FSTL5: variants seen among roughly 807,000 people sequenced by gnomAD.
The protein encoded by FSTL5 is follistatin like 5.
A neutral mutation model predicts 89.1 loss-of-function variants in FSTL5; 62 were observed. That is an observed-to-expected ratio of 0.70 (90% CI 0.57 to 0.86). The LOEUF is 0.86. Ranked by LOEUF, FSTL5 falls within the 40% of genes least tolerant of loss-of-function variation. FSTL5 has a pLI of 0.00. For synonymous variants in FSTL5, 383 were observed against 346.2 expected (o/e 1.11, Z -1.18); for missense variants, 1,057 against 1,001.6 (o/e 1.06, Z -0.75).
rs191706711 is a variant in FSTL5, at chr4:161,729,266, T to A, written c.727+30145A>T. 2.1e-3 allele frequency among the ~76,000 whole-genome samples: 314 copies of A among 152,336 alleles called. 2 individuals are homozygous for A. Among genetic ancestry groups the A allele is most frequent in the African/African-American group, 7.2e-3 (301 of 41,568 alleles). ...TTACGTTTAAGAAAGTTTTAGAGCA[T>A]AATCTAGCCCACAACCTTCATTATT... is the stretch of plus-strand genomic sequence containing the variant. On this transcript the variant is annotated intron_variant, in intron 6 of 15. Transcript: ENST00000306100.
chr4:161,858,355 C>T (rs560456338), intron 4 of FSTL5, among the ~76,000 whole-genome samples: 14 of 152,124 alleles, frequency 9.2e-5, no homozygotes, highest in Admixed American at 2.0e-4. Context: ...ATTAAGACAT[C>T]CACCTTGAAG....
intron 7 of FSTL5, among the ~76,000 whole-genome samples, chr4:161,630,716 C>G (rs879427559): frequency 2.6e-5 from 4 of 152,106 alleles, no homozygotes; most frequent in Admixed American, 6.6e-5. Flanking sequence ...TCAACATATG[C>G]GTAAGAAAAC....
At chr4:161,650,041 G>C (rs908186122) in intron 7 of FSTL5, among the ~76,000 whole-genome samples, 46 of 152,264 alleles carry the variant, frequency 3.0e-4, no homozygotes, top group African/African-American at 1.0e-3. Flanking sequence ...GCTGTATATA[G>C]TATGTTTTAT....
At chr4:161,890,045 T>G (rs1198927786) in intron 4 of FSTL5, among the ~76,000 whole-genome samples, 2 of 152,364 alleles carry the variant, frequency 1.3e-5, no homozygotes, top group African/African-American at 2.4e-5. Flanking sequence ...ATCTGTCTGA[T>G]ATGGTTCTGA....
intron 7 of FSTL5, among the ~76,000 whole-genome samples, chr4:161,635,570 C>G (rs1735659633): frequency 6.6e-6 from 1 of 151,500 alleles, no homozygotes; most frequent in Admixed American, 6.6e-5. Flanking sequence ...TTATACATAT[C>G]TGTTGACTCT....
intron 8 of FSTL5, among the ~76,000 whole-genome samples, chr4:161,563,583 A>G (rs1732683627): frequency 1.3e-5 from 2 of 151,780 alleles, no homozygotes; most frequent in African/African-American, 4.8e-5. Flanking sequence ...GCTTTTGTCA[A>G]TCTTACTGCT....
intron 6 of FSTL5, among the ~76,000 whole-genome samples, chr4:161,739,219 A>T (rs1739918915): frequency 1.3e-5 from 2 of 152,204 alleles, no homozygotes; most frequent in South Asian, 4.1e-4. Context: ...GCCTAAATTC[A>T]ATATGAATGA....
At chr4:162,057,969 TA>T (rs1489518518) in intron 2 of FSTL5, among the ~76,000 whole-genome samples, 1 of 151,874 alleles carries the variant, frequency 6.6e-6, no homozygotes, top group Non-Finnish European at 1.5e-5. Flanking sequence ...ATAATAATAA[TA>T]ATTCTGGGGT....
chr4:162,135,415 T>C (rs1348019982), intron 1 of FSTL5, among the ~76,000 whole-genome samples: 1 of 152,132 alleles, frequency 6.6e-6, no homozygotes, highest in Non-Finnish European at 1.5e-5. Context: ...AGAAAAACTA[T>C]AATAACTTGC....
chr4:161,857,549 T>C (rs1731760033), intron 4 of FSTL5, among the ~76,000 whole-genome samples: 2 of 152,168 alleles, frequency 1.3e-5, no homozygotes, highest in Non-Finnish European at 1.5e-5. Flanking sequence ...TCTTCATTAC[T>C]TATTATAAAC....
At chr4:162,102,533 C>T (rs1179865934) in intron 2 of FSTL5, among the ~76,000 whole-genome samples, 1 of 147,474 alleles carries the variant, frequency 6.8e-6, no homozygotes, top group African/African-American at 2.5e-5. Context: ...ACCTGAAACA[C>T]AGTACTTTCT....
chr4:161,441,950 A>G (rs957911046), intron 15 of FSTL5, among the ~76,000 whole-genome samples: 2 of 152,102 alleles, frequency 1.3e-5, no homozygotes, highest in African/African-American at 4.8e-5. Context: ...GTGAAACTTA[A>G]CTTGAGCTAG....
At chr4:162,163,002 G>A (rs1733751818) in intron 1 of FSTL5, among the ~76,000 whole-genome samples, 1 of 152,180 alleles carries the variant, frequency 6.6e-6, no homozygotes, top group African/African-American at 2.4e-5. Flanking sequence ...GGTGTGGAAT[G>A]CTCAGAGACT....
At chr4:161,721,995 G>A (rs924597380) in intron 6 of FSTL5, among the ~76,000 whole-genome samples, 2 of 152,020 alleles carry the variant, frequency 1.3e-5, no homozygotes, top group East Asian at 1.9e-4. Context: ...AATTATAATT[G>A]GAGAGTGATA....
chr4:162,109,180 C>T (rs774433782), intron 2 of FSTL5, among the ~76,000 whole-genome samples: 6 of 152,002 alleles, frequency 3.9e-5, no homozygotes, highest in Non-Finnish European at 5.9e-5. Context: ...CTAATCTTGA[C>T]TGACACAAAC....
chr4:161,498,749 A>G (rs62324271), intron 12 of FSTL5, among the ~76,000 whole-genome samples: 26,902 of 152,106 alleles, frequency 0.18, 2,649 homozygotes, highest in East Asian at 0.37. Context: ...CATATTTCTT[A>G]TTCAGAATAT....
At chr4:161,774,352 AT>A (rs1560837580) in intron 5 of FSTL5, among the ~76,000 whole-genome samples, 1 of 152,178 alleles carries the variant, frequency 6.6e-6, no homozygotes, top group African/African-American at 2.4e-5. Flanking sequence ...CAACACCACA[AT>A]TCTGAACTTC....
At chr4:161,584,226 A>G (rs1368537118) in intron 8 of FSTL5, among the ~76,000 whole-genome samples, 1 of 152,090 alleles carries the variant, frequency 6.6e-6, no homozygotes, top group Non-Finnish European at 1.5e-5. Context: ...TTCACTTTCA[A>G]CCAATGGTAT....
intron 1 of FSTL5, among the ~76,000 whole-genome samples, chr4:162,162,248 C>T (rs963686161): frequency 6.6e-6 from 1 of 152,054 alleles, no homozygotes; most frequent in African/African-American, 2.4e-5. Context: ...AACTCTAATG[C>T]AACTAGAGTA....
Sources: gnomAD v4.1 joint callset for allele counts (sites outside exome capture counted in the v4.1 genomes callset) on GRCh38, gnomAD v4.1.1 for gene constraint, MANE v1.5 for transcripts, NCBI Gene and HGNC (gene_info 2026-07-23, HGNC 2026-07-21) for gene names.